BANK1: variants seen among roughly 807,000 people sequenced by gnomAD.
BANK1 encodes the protein B cell scaffold protein with ankyrin repeats 1.
In BANK1, 95 loss-of-function variants were observed where a neutral mutation model predicts 94.5. The observed-to-expected ratio is 1.00, with a 90% CI of 0.85 to 1.19. BANK1 has a LOEUF of 1.19. Among genes scored for constraint, BANK1 ranks in the 50% most tolerant of loss-of-function variants. The probability of loss-of-function intolerance (pLI) is 0.00; values close to 1 mark genes in which losing one functional copy is unlikely to be tolerated. For synonymous variants in BANK1, 334 were observed against 308.4 expected (o/e 1.08, Z -0.87); for missense variants, 987 against 932.2 (o/e 1.06, Z -0.77).
chr4:101,917,831 C>T (rs191966496), intron 6 of BANK1, among the ~76,000 whole-genome samples, 162 bp from the exon 7 acceptor site: 8 of 151,494 alleles, frequency 5.3e-5, no homozygotes, highest in African/African-American at 9.7e-5. Context: ...GGTAATTGAG[C>T]GAGGGGAAGA....
chr4:101,795,243 A>T (rs1038845805), intron 1 of BANK1, among the ~76,000 whole-genome samples: 2 of 152,262 alleles, frequency 1.3e-5, no homozygotes, highest in Middle Eastern at 3.4e-3. Flanking sequence ...CTTTGAATTC[A>T]TATGAAATGG....
chr4:102,040,863 AC>A (rs200341952), intron 10 of BANK1, among the ~76,000 whole-genome samples: 4,239 of 152,086 alleles, frequency 0.028, 70 homozygotes, highest in Non-Finnish European at 0.038. Context: ...CTAAGCCCTA[AC>A]TTTATTGGCA....
chr4:101,919,620 C>T (rs1344877110), intron 7 of BANK1, among the ~76,000 whole-genome samples: 1 of 151,824 alleles, frequency 6.6e-6, no homozygotes, highest in Non-Finnish European at 1.5e-5. Context: ...TTTTCGTAGT[C>T]GCTGCATTCT....
intron 7 of BANK1, among the ~76,000 whole-genome samples, chr4:102,013,230 T>TA (rs1726569763): frequency 6.6e-6 from 1 of 152,126 alleles, no homozygotes; most frequent in Non-Finnish European, 1.5e-5. Flanking sequence ...TAATCAATTA[T>TA]TCGCTATTCT....
intron 5 of BANK1, among the ~76,000 whole-genome samples, chr4:101,889,456 G>A (rs1177261639): frequency 6.6e-6 from 1 of 151,324 alleles, no homozygotes; most frequent in East Asian, 1.9e-4. Flanking sequence ...AAATTAGCCG[G>A]GCGCGGTGGC....
intron 7 of BANK1, among the ~76,000 whole-genome samples, chr4:101,932,827 C>T (rs1723402914): frequency 6.6e-6 from 1 of 151,450 alleles, no homozygotes; most frequent in Non-Finnish European, 1.5e-5. Context: ...AAAAACAAAA[C>T]AATAGATTTT....
chr4:101,898,756 A>G (rs1046385645), intron 6 of BANK1, among the ~76,000 whole-genome samples: 3 of 152,124 alleles, frequency 2.0e-5, no homozygotes, highest in African/African-American at 7.2e-5. Context: ...CACTTCATTT[A>G]TAATAAGTAA....
chr4:102,064,614 G>A (rs775977764), intron 13 of BANK1, among the ~76,000 whole-genome samples: 2 of 152,174 alleles, frequency 1.3e-5, no homozygotes, highest in Non-Finnish European at 2.9e-5. Flanking sequence ...CCTTAATTAT[G>A]AATCAATTAG....
At chr4:101,845,859 T>G (rs965473200) in intron 2 of BANK1, among the ~76,000 whole-genome samples, 5 of 152,148 alleles carry the variant, frequency 3.3e-5, no homozygotes, top group Non-Finnish European at 7.3e-5. Context: ...ATAGGGTTTT[T>G]GTTTTTGTTT....
chr4:102,010,940 G>C (rs900164244), intron 7 of BANK1, among the ~76,000 whole-genome samples: 18 of 152,108 alleles, frequency 1.2e-4, no homozygotes, highest in Non-Finnish European at 2.4e-4. Flanking sequence ...TAAGAAACTA[G>C]ATAACCCAGT....
chr4:101,916,706 CCCCA>C (rs1722840795), intron 6 of BANK1, among the ~76,000 whole-genome samples: 1 of 151,908 alleles, frequency 6.6e-6, no homozygotes. Context: ...AAAAAATTTC[CCCCA>C]GACATTTTAT....
At chr4:101,982,476 C>T (rs1175358290) in intron 7 of BANK1, among the ~76,000 whole-genome samples, 1 of 151,904 alleles carries the variant, frequency 6.6e-6, no homozygotes, top group African/African-American at 2.4e-5. Context: ...CTAAGGAATA[C>T]TTCAGCTAAG....
intron 7 of BANK1, among the ~76,000 whole-genome samples, chr4:101,998,260 G>A (rs1240283474): frequency 6.6e-6 from 1 of 152,112 alleles, no homozygotes; most frequent in Non-Finnish European, 1.5e-5. Context: ...GTTCTAATTT[G>A]ACTGCACTAT....
chr4:101,791,014 C>G, intron 1 of BANK1, 64 bp downstream of exon 1: 4 of 1,317,366 alleles, frequency 3.0e-6, no homozygotes, highest in Non-Finnish European at 4.0e-6. Context: ...CTGCGGAGAC[C>G]ACGGGCCATC....
chr4:101,941,944 C>CA (rs1339390867), intron 7 of BANK1, among the ~76,000 whole-genome samples: 1 of 151,814 alleles, frequency 6.6e-6, no homozygotes, highest in Non-Finnish European at 1.5e-5. Context: ...TGAAACTCCT[C>CA]AACCATGAAA....
At chr4:101,845,362 T>C (rs529595371) in intron 2 of BANK1, among the ~76,000 whole-genome samples, 50 of 152,290 alleles carry the variant, frequency 3.3e-4, no homozygotes, top group African/African-American at 1.1e-3. Context: ...TGAAATTTTA[T>C]GAAAATATTC....
At chr4:101,854,776 A>AT (rs1560602875) in intron 2 of BANK1, among the ~76,000 whole-genome samples, 1 of 152,254 alleles carries the variant, frequency 6.6e-6, no homozygotes, top group East Asian at 1.9e-4. Flanking sequence ...ACTGGATTCT[A>AT]TTTTTTGGAA....
intron 7 of BANK1, among the ~76,000 whole-genome samples, chr4:101,959,471 C>T (rs980841359): frequency 6.6e-6 from 1 of 152,028 alleles, no homozygotes. Context: ...CTGATGTATA[C>T]AGACAAGGAA....
chr4:101,821,084 C>T (rs956506180), intron 1 of BANK1, among the ~76,000 whole-genome samples: 2 of 152,098 alleles, frequency 1.3e-5, no homozygotes, highest in East Asian at 1.9e-4. Context: ...ATAAGTTTTC[C>T]GTTTTCTCGA....
Sources: gnomAD v4.1 joint callset for allele counts (sites outside exome capture counted in the v4.1 genomes callset) on GRCh38, gnomAD v4.1.1 for gene constraint, MANE v1.5 for transcripts, NCBI Gene and HGNC (gene_info 2026-07-23, HGNC 2026-07-21) for gene names.